The following FAM110C variants were observed in gnomAD, a reference collection of about 807,000 sequenced individuals.
FAM110C encodes protein FAM110C.
Under a neutral mutation model 15.7 loss-of-function variants are expected in FAM110C, and 19 were observed. The observed-to-expected ratio is 1.21, with a 90% CI of 0.85 to 1.78. The LOEUF is 1.78. Ranked by LOEUF, FAM110C falls within the 40% of genes most tolerant of loss-of-function variation. The pLI is 0.00. For missense variants in FAM110C, 547 were observed against 495.7 expected, an observed-to-expected ratio of 1.10 and a Z score of -0.98; for synonymous variants, 275 against 233.9, an observed-to-expected ratio of 1.18 and a Z score of -1.61.
At position 46,372 on chromosome 2, in the gene FAM110C, G is replaced by T. The variant is rs1051084580; in HGVS notation, c.14C>A (p.Ala5Glu). 39 of 1,297,288 alleles carry T rather than the reference G, an allele frequency of 3.0e-5. No homozygotes were observed. The highest frequency in any genetic ancestry group is 3.6e-5 in the Non-Finnish European group (37 of 1,024,994). 80.4% of individuals were successfully genotyped at this position (1,297,288 alleles called of 1,614,324 possible). The change falls in exon 1 of 2, where the codon GCG (alanine) becomes GAG (glutamate). Residue 5 changes from alanine (A) to glutamate (E), a missense_variant. Ala to Glu is a moderately radical substitution (Grantham distance 107). Coordinates refer to ENST00000327669, the MANE Select transcript of FAM110C (RefSeq NM_001077710.3). ...CTCGTTCGGGGGCGCGCTCAGGGCC[G>T]CCAGGGCGCGCATCTTCGCGGGGAA... MRAL[A>E]ALSAPPNERL... is the part of the protein sequence containing the mutation.
rs1054838141 is a variant in FAM110C at position 44,366 on chromosome 2, T to C, written c.946+1074A>G. The C allele has an allele frequency of 1.4e-5, 14 of 985,282 alleles. No homozygotes were observed. In the African/African-American group the frequency reaches 2.4e-4, roughly 17 times the overall value. 61.0% of individuals were successfully genotyped at this position (985,282 alleles called of 1,614,324 possible). On this transcript the variant is annotated intron_variant, in intron 1 of 1. Transcript: ENST00000327669. ...AGAAATTATTGGAGATATTTTTAGC[T>C]GTCAAACATAGGTGAGCCCTGTGCA...
rs1276673460 is a variant in FAM110C, at chr2:45,905, C to A, written c.481G>T (p.Asp161Tyr). Residue 161 changes from aspartate to tyrosine, a missense_variant, in exon 1 of 2, where the codon GAC becomes TAC. Asp to Tyr is a radical substitution (Grantham distance 160, BLOSUM62 -3). Transcript: ENST00000327669. ...GCTGGGGTCTCGGGGATTGCGGGGT[C>A]CGCCGCGGGGCCAGGAGTGGTCGGG... ...TVPTTPGPAA[D>Y]PAIPETPAPA... The A allele has an allele frequency of 7.1e-7, 1 of 1,417,616 alleles. No homozygotes were observed. The allele number at this position is 1,417,616 out of a possible 1,614,324, so 87.8% of individuals were successfully genotyped here.
At chr2:41,720 A>T (rs138120439) in intron 1 of FAM110C, 93 bp from the exon 2 acceptor site, 17,131 of 1,472,000 alleles carry the variant, frequency 0.012, 183 homozygotes, top group East Asian at 0.043. Flanking sequence ...TGGTCCCTGT[A>T]GTTTTTGTTT....
intron 1 of FAM110C, chr2:44,768 G>A: frequency 1.0e-6 from 1 of 985,438 alleles, no homozygotes; most frequent in Non-Finnish European, 1.2e-6. Flanking sequence ...ATAGACTCTA[G>A]TTACAATCTA....
At chr2:42,701 A>T in intron 1 of FAM110C, 2 of 423,434 alleles carry the variant, frequency 4.7e-6, no homozygotes, top group Non-Finnish European at 6.3e-6. Context: ...AAACGTATTT[A>T]GTTCTATTAT....
intron 1 of FAM110C, chr2:41,894 A>G (rs1664134665): frequency 6.1e-6 from 6 of 985,410 alleles, no homozygotes; most frequent in Non-Finnish European, 7.2e-6. Context: ...TTTGCCTCCA[A>G]CTACTCATGG....
chr2:41,548 A>G lies in FAM110C; in HGVS notation c.*60T>C. 6.2e-7 allele frequency: 1 copy of G among 1,601,866 alleles called. No individual in the cohort carries two copies. Among genetic ancestry groups the G allele is most frequent in the Non-Finnish European group, 8.5e-7 (1 of 1,171,708 alleles). On this transcript the variant is annotated 3_prime_UTR_variant, in exon 2 of 2. Coordinates refer to ENST00000327669, the MANE Select transcript of FAM110C (RefSeq NM_001077710.3). ...ACAGCAATCATGTGGTCACCTAGGC[A>G]CACTAGCCAAATGGTCCTGGGATCC... is the stretch of plus-strand genomic sequence containing the variant.
rs1267072427 is a variant in FAM110C at position 43,813 on chromosome 2, G to C, written c.946+1627C>G. On this transcript the variant is annotated intron_variant, in intron 1 of 1. Transcript: ENST00000327669. ...GCTTATTCATAAATTTACTTCTCAC[G>C]TACTTCAATAGACAACTTTTTTTTG... 9 of 985,228 alleles carry C rather than the reference G, an allele frequency of 9.1e-6. No homozygotes were observed. The African/African-American group carries it at 1.4e-4, about 15-fold the overall frequency. The allele number at this position is 985,228 out of a possible 1,614,324, so 61.0% of individuals were successfully genotyped here. A position where few individuals can be genotyped will look rare whatever the true frequency, so the allele number is the denominator to read the frequency against.
Position 41,605 on chromosome 2 carries a change from T to A in FAM110C, c.*3A>T. ...ACCCATGAAATCCTTCAAGAAGTCTTCATCATCGGGAAGGTTTGCTTCCTG... is the reference window on the plus strand; with the variant it reads ...ACCCATGAAATCCTTCAAGAAGTCTACATCATCGGGAAGGTTTGCTTCCTG... On this transcript the variant is annotated 3_prime_UTR_variant, in exon 2 of 2. Coordinates refer to ENST00000327669, the MANE Select transcript of FAM110C (RefSeq NM_001077710.3). 6.2e-7 allele frequency: 1 copy of A among 1,613,730 alleles called. No homozygotes were observed. Among genetic ancestry groups the A allele is most frequent in the South Asian group, 1.1e-5 (1 of 90,998 alleles).
At position 40,497 on chromosome 2, in the gene FAM110C, A is replaced by G. The variant is rs915708967; in HGVS notation, c.*1111T>C. The G allele has an allele frequency of 3.3e-5, 5 of 152,206 alleles. No homozygotes were observed. Among genetic ancestry groups the G allele is most frequent in the East Asian group, 1.9e-4 (1 of 5,188 alleles). The allele number at this position is 152,206 out of a possible 1,614,324, so 9.4% of individuals were successfully genotyped here. A position where few individuals can be genotyped will look rare whatever the true frequency, so the allele number is the denominator to read the frequency against. On this transcript the variant is annotated 3_prime_UTR_variant, in exon 2 of 2. Coordinates refer to ENST00000327669, the MANE Select transcript of FAM110C (RefSeq NM_001077710.3). ...ATTTCTCAGAAGGTTCTGAATCTGA[A>G]TCTATTCACTCTGGGTGTCATAAGC...
chr2:45,059 C>T, intron 1 of FAM110C: 1 of 985,424 alleles, frequency 1.0e-6, no homozygotes, highest in Non-Finnish European at 1.2e-6. Context: ...AACTAGGGCT[C>T]TCAAGCTGTT....
chr2:46,393 G>A lies in FAM110C; in HGVS notation c.-8C>T. ...GGCCGCCAGGGCGCGCATCTTCGCG[G>A]GGAATGGACCGACCGGGGTTCCGGG... is the stretch of plus-strand genomic sequence containing the variant. On this transcript the variant is annotated 5_prime_UTR_variant, in exon 1 of 2. Coordinates refer to ENST00000327669, the MANE Select transcript of FAM110C (RefSeq NM_001077710.3). 7.9e-7 allele frequency: 1 copy of A among 1,267,620 alleles called. No individual in the cohort carries two copies. Among genetic ancestry groups the A allele is most frequent in the Non-Finnish European group, 9.9e-7 (1 of 1,007,830 alleles). 78.5% of individuals were successfully genotyped at this position (1,267,620 alleles called of 1,614,324 possible).
chr2:38,901 GT>G lies in FAM110C; in HGVS notation c.*2706del, dbSNP rs1288584671. ...GCAAATAGTGTATAGAAAAAGCTCT[GT>G]TTAGAAACTGCCATAGCAATTGTCT... On this transcript the variant is annotated 3_prime_UTR_variant, in exon 2 of 2. Coordinates refer to ENST00000327669, the MANE Select transcript of FAM110C (RefSeq NM_001077710.3). 1 of 152,146 alleles carries G rather than the reference GT, an allele frequency of 6.6e-6. No individual in the cohort carries two copies. Among genetic ancestry groups the G allele is most frequent in the Non-Finnish European group, 1.5e-5 (1 of 68,022 alleles). The allele number at this position is 152,146 out of a possible 1,614,324, so 9.4% of individuals were successfully genotyped here. A position where few individuals can be genotyped will look rare whatever the true frequency, so the allele number is the denominator to read the frequency against.
chr2:42,777 T>C lies in FAM110C; in HGVS notation c.947-1150A>G, dbSNP rs533900153. On this transcript the variant is annotated intron_variant, in intron 1 of 1. Coordinates refer to ENST00000327669, the MANE Select transcript of FAM110C (RefSeq NM_001077710.3). ...CCAAGAGGACAAAAACCTCCAAATA[T>C]ATTTGTTTTCTCTTTCACTTAGAAA... 2.3e-5 allele frequency: 22 copies of C among 950,794 alleles called. No homozygotes were observed. In the South Asian group the frequency reaches 9.2e-4, roughly 40 times the overall value. 58.9% of individuals were successfully genotyped at this position (950,794 alleles called of 1,614,324 possible).
At chr2:43,908 G>T in intron 1 of FAM110C, 1 of 985,396 alleles carries the variant, frequency 1.0e-6, no homozygotes, top group Non-Finnish European at 1.2e-6. Flanking sequence ...AAATGTAGAG[G>T]TTGAAAACCA....
rs955416405 is a variant in FAM110C at position 46,347 on chromosome 2, C to T, written c.39G>A (p.Glu13=). Residue 13 remains glutamate, a synonymous_variant, in exon 1 of 2, where the codon GAG becomes GAA. Transcript: ENST00000327669. The part of the protein sequence containing the change: ...ALAALSAPPN[E]RLLPRDPAAT... ...CCGCGGGGTCCCGGGGAAGGAGCCG[C>T]TCGTTCGGGGGCGCGCTCAGGGCCG... 3.8e-6 allele frequency: 5 copies of T among 1,309,428 alleles called. No homozygotes were observed. In the African/African-American group the frequency reaches 6.2e-5, roughly 16 times the overall value. The allele number at this position is 1,309,428 out of a possible 1,614,324, so 81.1% of individuals were successfully genotyped here. A position where few individuals can be genotyped will look rare whatever the true frequency, so the allele number is the denominator to read the frequency against.
rs1356716645 is a variant in FAM110C, at chr2:40,066, T to C, written c.*1542A>G. ...ATTTGAAAACAAGTCACCATAGTAC[T>C]GAGTACTGAATTGAGTGGCAAACAC... On this transcript the variant is annotated 3_prime_UTR_variant, in exon 2 of 2. Coordinates refer to ENST00000327669, the MANE Select transcript of FAM110C (RefSeq NM_001077710.3). The C allele has an allele frequency of 6.6e-6, 1 of 152,182 alleles. No individual in the cohort carries two copies. Among genetic ancestry groups the C allele is most frequent in the Non-Finnish European group, 1.5e-5 (1 of 68,042 alleles). The allele number at this position is 152,182 out of a possible 1,614,324, so 9.4% of individuals were successfully genotyped here. A position where few individuals can be genotyped will look rare whatever the true frequency, so the allele number is the denominator to read the frequency against.
intron 1 of FAM110C, chr2:44,924 G>A (rs1664233570): frequency 7.1e-6 from 7 of 985,396 alleles, no homozygotes; most frequent in Non-Finnish European, 8.4e-6. Context: ...CAGGCCTCCA[G>A]GAAAGTGCAG....
intron 1 of FAM110C, chr2:43,314 TGAAACTTCTCA>T (rs1352824675): frequency 1.2e-5 from 12 of 985,340 alleles, no homozygotes; most frequent in Non-Finnish European, 1.4e-5. Flanking sequence ...AGAAATAATG[TGAAACTTCTCA>T]GAAGACAGTT....
Sources: gnomAD v4.1 joint callset for allele counts on GRCh38, gnomAD v4.1.1 for gene constraint, MANE v1.5 for transcripts, NCBI Gene and HGNC (gene_info 2026-07-23, HGNC 2026-07-21) for gene names.